Variants in AHNAK2 observed in about 807,000 individuals in gnomAD.
The protein encoded by AHNAK2 is AHNAK nucleoprotein 2.
A neutral mutation model predicts 30.7 loss-of-function variants in AHNAK2; 18 were observed. The ratio of observed to expected loss-of-function variants is 0.59; its 90% CI spans 0.41 to 0.87. AHNAK2 has a LOEUF of 0.87. AHNAK2 is among the 40% of genes least tolerant of loss of function. AHNAK2 has a pLI of 0.00. For missense variants in AHNAK2, 8,604 were observed against 7,373.0 expected (o/e 1.17, Z -6.11); for synonymous variants, 3,590 against 3,073.8 (o/e 1.17, Z -5.56).
rs201850742 is a variant in AHNAK2 at position 104,949,156 on chromosome 14, C to A, written c.6295G>T (p.Asp2099Tyr). Residue 2099 changes from aspartate (D) to tyrosine (Y), a missense_variant, in exon 7 of 7, where the codon GAC becomes TAC. Coordinates refer to ENST00000333244, the MANE Select transcript of AHNAK2 (RefSeq NM_138420.4). ...PQVDIKGPKL[D>Y]LKDPKVEMRV... The stretch of plus-strand genomic sequence containing the variant: ...ATTTCCACCTTGGGGTCTTTTAGGT[C>A]CAGTTTGGGGCCCTTGATGTCCACC... 2,831 of 1,071,856 alleles carry A rather than the reference C, an allele frequency of 2.6e-3. 1,056 individuals carry two copies. The highest frequency in any genetic ancestry group is 3.7e-3 in the Non-Finnish European group (2,688 of 735,224). The allele number at this position is 1,071,856 out of a possible 1,614,324, so 66.4% of individuals were successfully genotyped here. A position where few individuals can be genotyped will look rare whatever the true frequency, so the allele number is the denominator to read the frequency against.
At position 104,945,126 on chromosome 14, in the gene AHNAK2, T is replaced by A. The variant is rs1221903584; in HGVS notation, c.10325A>T (p.Asp3442Val). The A allele has an allele frequency of 3.1e-6, 5 of 1,612,812 alleles. No homozygotes were observed. Among genetic ancestry groups the A allele is most frequent in the Admixed American group, 3.3e-5 (2 of 59,928 alleles). Residue 3442 changes from aspartate to valine, a missense_variant, in exon 7 of 7, where the codon GAC (aspartate) becomes GTC (valine). Coordinates refer to ENST00000333244, the MANE Select transcript of AHNAK2 (RefSeq NM_138420.4). ...VEVSLPSVEV[D>V]VQAPRAKLDG... ...CAGCTTGGCTCTCGGGGCCTGGACG[T>A]CCACCTCCACGCTGGGCAGAGACAC...
At position 104,942,705 on chromosome 14, in the gene AHNAK2, T is replaced by A. The variant is rs1472286172; in HGVS notation, c.12746A>T (p.Lys4249Met). The A allele has an allele frequency of 6.2e-7, 1 of 1,613,416 alleles. No individual in the cohort carries two copies. Among genetic ancestry groups the A allele is most frequent in the South Asian group, 1.1e-5 (1 of 91,062 alleles). The change falls in exon 7 of 7, where the codon AAG becomes ATG. Residue 4249 changes from lysine to methionine, a missense_variant. Coordinates refer to ENST00000333244, the MANE Select transcript of AHNAK2 (RefSeq NM_138420.4). ...CACGACGGGGGTCATCACATCCGCCTTGGGGCCTTTCAGGTCCAGCTTGGG... is the reference window on the plus strand; with the variant it reads ...CACGACGGGGGTCATCACATCCGCCATGGGGCCTTTCAGGTCCAGCTTGGG... ...KGPKLDLKGP[K>M]ADVMTPVVEV...
Position 104,963,082 on chromosome 14 carries a change from A to G in AHNAK2, c.56-5410T>C. Among the ~76,000 whole-genome samples the G allele has an allele frequency of 1.3e-5, 2 of 152,240 alleles. 1 individual carries two copies. Among genetic ancestry groups the G allele is most frequent in the South Asian group, 4.1e-4 (2 of 4,836 alleles). ...CAGAAAACGAAAAGGCAGTGAATGT[A>G]TCTGGCAAAGGACTTGCATGGAGCC... On this transcript the variant is annotated intron_variant, in intron 1 of 6. Transcript: ENST00000333244.
chr14:104,970,596 G>A, intron 1 of AHNAK2: 1 of 897,518 alleles, frequency 1.1e-6, no homozygotes, highest in Non-Finnish European at 1.3e-6. Context: ...GCTGGCTCTG[G>A]ACCCTGCCAG....
chr14:104,950,600 C>G lies in AHNAK2; in HGVS notation c.4851G>C (p.Val1617=), dbSNP rs201804631. The change falls in exon 7 of 7, where the codon GTG becomes GTC. Residue 1617 remains valine, a synonymous_variant. Coordinates refer to ENST00000333244, the MANE Select transcript of AHNAK2 (RefSeq NM_138420.4). ...CCTCCATGCTGGACAGAGACATCTTCACATCGGGGGCTGTCACTTCCACCT... is the reference window on the plus strand; with the variant it reads ...CCTCCATGCTGGACAGAGACATCTTGACATCGGGGGCTGTCACTTCCACCT... ...GPKVEVTAPD[V]KMSLSSMEVD... The G allele has an allele frequency of 1.5e-4, 243 of 1,585,968 alleles. 37 individuals carry two copies. In the Admixed American group the frequency reaches 3.4e-3, roughly 22 times the overall value.
At chr14:104,956,480 A>C in intron 4 of AHNAK2, 108 bp downstream of exon 4, 1 of 1,141,440 alleles carries the variant, frequency 8.8e-7, no homozygotes. Flanking sequence ...CACGGGGCAC[A>C]CTGCCAGCCT....
At position 104,947,853 on chromosome 14, in the gene AHNAK2, A is replaced by C. The variant is rs553882872; in HGVS notation, c.7598T>G (p.Ile2533Ser). ...QGDLKATDLS[I>S]QPPSADLEVQ... ...CTCCAGGTCAGCGGAAGGGGGCTGA[A>C]TGCTGAGGTCAGTGGCCTTGAGGTC... Residue 2533 changes from isoleucine to serine, a missense_variant, in exon 7 of 7, where the codon ATT (isoleucine) becomes AGT (serine). Transcript: ENST00000333244. 2.9e-5 allele frequency: 47 copies of C among 1,612,510 alleles called. No homozygotes were observed. In the East Asian group the frequency reaches 5.4e-4, roughly 18 times the overall value.
chr14:104,947,944 C>T lies in AHNAK2; in HGVS notation c.7507G>A (p.Glu2503Lys), dbSNP rs533746961. The T allele has an allele frequency of 1.8e-5, 29 of 1,612,818 alleles. No homozygotes were observed. Among genetic ancestry groups the T allele is most frequent in the Middle Eastern group, 3.3e-4 (2 of 6,050 alleles). The part of the protein sequence containing the change: ...FGVSAPGKSI[E>K]ASVDVSAPKV... ...GGCGCAGACACATCCACCGAGGCCT[C>T]GATGGACTTGCCTGGGGCAGACACC... is the stretch of plus-strand genomic sequence containing the variant. The change falls in exon 7 of 7, where the codon GAG (glutamate) becomes AAG (lysine). Residue 2503 changes from glutamate (E) to lysine (K), a missense_variant. Glu to Lys is a moderately conservative substitution (Grantham distance 56). Transcript: ENST00000333244.
chr14:104,952,549 C>T lies in AHNAK2; in HGVS notation c.2902G>A (p.Val968Ile). The change falls in exon 7 of 7, where the codon GTC becomes ATC. Residue 968 changes from valine to isoleucine, a missense_variant. By Grantham distance (29) the Val-to-Ile change is conservative. Transcript: ENST00000333244. ...EVSLPSMEVDVQAQKAKLDGA... is the reference protein window; with the variant it reads ...EVSLPSMEVDIQAQKAKLDGA... ...TCCAGCTTGGCCTTCTGGGCCTGGA[C>T]ATCCACCTCCATGCTGGGCAGAGAC... is the stretch of plus-strand genomic sequence containing the variant. The T allele has an allele frequency of 6.2e-7, 1 of 1,612,654 alleles. No individual in the cohort carries two copies.
chr14:104,940,991 A>T lies in AHNAK2; in HGVS notation c.14460T>A (p.Ile4820=), dbSNP rs1897963289. The T allele has an allele frequency of 2.5e-6, 4 of 1,613,150 alleles. No individual in the cohort carries two copies. The Admixed American group carries it at 5.0e-5, about 20-fold the overall frequency. The change falls in exon 7 of 7, where the codon ATT becomes ATA. Residue 4820 remains isoleucine, a synonymous_variant. Transcript: ENST00000333244. This position sits in a 1 kb window ranked among gnomAD's most constrained non-coding sequence, Gnocchi z 4.4. ...LEIPSGSQAD[I]PLPKTECSTD... ...TGGAGCACTCTGTCTTGGGAAGAGG[A>T]ATATCAGCCTGAGACCCAGAAGGAA... is the stretch of plus-strand genomic sequence containing the variant.
Position 104,939,919 on chromosome 14 carries a change from C to T in AHNAK2, c.15532G>A (p.Glu5178Lys), listed in dbSNP as rs1463212322. The part of the protein sequence containing the change: ...AEVLTVESPE[E>K]EAMTKYSQES... ...TGCGAGTACTTGGTCATGGCTTCCT[C>T]CTCTGGGCTTTCCACTGTGAGGACT... is the stretch of plus-strand genomic sequence containing the variant. Residue 5178 changes from glutamate (E) to lysine (K), a missense_variant, in exon 7 of 7, where the codon GAG becomes AAG. Physicochemically the swap from Glu to Lys is moderately conservative, Grantham distance 56. Coordinates refer to ENST00000333244, the MANE Select transcript of AHNAK2 (RefSeq NM_138420.4). The T allele has an allele frequency of 6.2e-7, 1 of 1,612,622 alleles. No individual in the cohort carries two copies. Among genetic ancestry groups the T allele is most frequent in the East Asian group, 2.2e-5 (1 of 44,894 alleles).
chr14:104,978,153 G>A (rs560378927), intron 1 of AHNAK2, 30 bp downstream of exon 1: 3 of 1,209,344 alleles, frequency 2.5e-6, no homozygotes, highest in South Asian at 4.1e-5. Context: ...CCGCCCCAGG[G>A]GAGCGGGCTG....
At position 104,946,689 on chromosome 14, in the gene AHNAK2, G is replaced by A. The variant is rs1344946739; in HGVS notation, c.8762C>T (p.Pro2921Leu). ...LKGPQIDVKG[P>L]KLDLKGPKAE... ...CTTGGGGCCTTTCAGGTCCAGCTTG[G>A]GGCCCTTGACGTCTATCTGGGGGCC... is the stretch of plus-strand genomic sequence containing the variant. The change falls in exon 7 of 7, where the codon CCC becomes CTC. Residue 2921 changes from proline to leucine, a missense_variant. Coordinates refer to ENST00000333244, the MANE Select transcript of AHNAK2 (RefSeq NM_138420.4). 1 of 1,612,712 alleles carries A rather than the reference G, an allele frequency of 6.2e-7. No homozygotes were observed. The highest frequency in any genetic ancestry group is 8.5e-7 in the Non-Finnish European group (1 of 1,179,606).
In AHNAK2 at chr14:104,978,351, G is replaced by T; in HGVS notation, c.-114C>A. 1.3e-6 allele frequency: 1 copy of T among 746,108 alleles called. No homozygotes were observed. Among genetic ancestry groups the T allele is most frequent in the Non-Finnish European group, 1.7e-6 (1 of 601,484 alleles). The allele number at this position is 746,108 out of a possible 1,614,324, so 46.2% of individuals were successfully genotyped here. ...GCGCTCTGCCCCGCTGCCCTGCGCTGCCGCGGGCGGCCGACCTCGGACTGC... is the reference window on the plus strand; with the variant it reads ...GCGCTCTGCCCCGCTGCCCTGCGCTTCCGCGGGCGGCCGACCTCGGACTGC... On this transcript the variant is annotated 5_prime_UTR_variant, in exon 1 of 7. Coordinates refer to ENST00000333244, the MANE Select transcript of AHNAK2 (RefSeq NM_138420.4).
chr14:104,958,534 GA>G (rs1201905780), intron 1 of AHNAK2, among the ~76,000 whole-genome samples: 1 of 152,174 alleles, frequency 6.6e-6, no homozygotes, highest in African/African-American at 2.4e-5. Flanking sequence ...ATGGCTCAAT[GA>G]AGAGAGAATC....
At chr14:104,965,491 A>G (rs1319512194) in intron 1 of AHNAK2, among the ~76,000 whole-genome samples, 1 of 152,126 alleles carries the variant, frequency 6.6e-6, no homozygotes, top group East Asian at 1.9e-4. Flanking sequence ...TCCAGTCTCA[A>G]CCCCACTCTG....
Position 104,943,070 on chromosome 14 carries a change from A to T in AHNAK2, c.12381T>A (p.Thr4127=), listed in dbSNP as rs746500378. ...GDLSLADKDV[T]AKDSKFKMPK... ...GCATTTTGAACTTGCTGTCTTTGGCAGTCACATCCTTGTCGGCCAGGGACA... is the reference window on the plus strand; with the variant it reads ...GCATTTTGAACTTGCTGTCTTTGGCTGTCACATCCTTGTCGGCCAGGGACA... Residue 4127 remains threonine (T), a synonymous_variant, in exon 7 of 7, where the codon ACT becomes ACA. Transcript: ENST00000333244. The T allele has an allele frequency of 1.6e-3, 2,549 of 1,607,940 alleles. 12 individuals carry two copies. Among genetic ancestry groups the T allele is most frequent in the South Asian group, 2.7e-3 (242 of 90,720 alleles).
In AHNAK2 at chr14:104,950,905, C is replaced by A. The variant is rs764762669; in HGVS notation, c.4546G>T (p.Val1516Leu). ...SAPGKSIEASVDVSAPKVEAD... is the reference protein window; with the variant it reads ...SAPGKSIEASLDVSAPKVEAD... The stretch of plus-strand genomic sequence containing the variant: ...TCCACCTTCGGCGCAGACACATCCA[C>A]TGAGGCCTCGATGGACTTGCCTGGG... The change falls in exon 7 of 7, where the codon GTG (valine) becomes TTG (leucine). Residue 1516 changes from valine to leucine, a missense_variant. Physicochemically the swap from Val to Leu is conservative, Grantham distance 32. Transcript: ENST00000333244. 15 of 1,563,198 alleles carry A rather than the reference C, an allele frequency of 9.6e-6. 1 individual carries two copies. The highest frequency in any genetic ancestry group is 5.6e-5 in the South Asian group (5 of 88,868).
Position 104,952,299 on chromosome 14 carries a change from G to C in AHNAK2, c.3152C>G (p.Ala1051Gly). Residue 1051 changes from alanine (A) to glycine (G), a missense_variant, in exon 7 of 7, where the codon GCT becomes GGT. By Grantham distance (60) the Ala-to-Gly change is moderately conservative. Coordinates refer to ENST00000333244, the MANE Select transcript of AHNAK2 (RefSeq NM_138420.4). The stretch of plus-strand genomic sequence containing the variant: ...AGCCTGGACCTTCAGGTCAGTAGAA[G>C]CAGGCTGAATGCTGAGGTCAGTGGT... Reference protein sequence around the residue: ...LKTTDLSIQPASTDLKVQADQ... With the variant: ...LKTTDLSIQPGSTDLKVQADQ... The C allele has an allele frequency of 6.2e-7, 1 of 1,612,466 alleles. No individual in the cohort carries two copies. Among genetic ancestry groups the C allele is most frequent in the Non-Finnish European group, 8.5e-7 (1 of 1,179,564 alleles).
Sources: allele counts gnomAD v4.1 joint callset (sites outside exome capture counted in the v4.1 genomes callset), GRCh38; gene constraint gnomAD v4.1.1; non-coding constraint Gnocchi (gnomAD v3.1); transcripts MANE v1.5; gene names NCBI Gene and HGNC (gene_info 2026-07-23, HGNC 2026-07-21).